Variants in ELMO1 observed in about 807,000 individuals in gnomAD.
The protein encoded by ELMO1 is engulfment and cell motility protein 1.
ELMO1 carries 26 observed loss-of-function variants against 98.9 expected under a neutral mutation model. The observed-to-expected ratio is 0.26, with a 90% CI of 0.19 to 0.36. ELMO1 has a LOEUF of 0.36. Among genes scored for constraint, ELMO1 ranks in the 10% least tolerant of loss-of-function variants. The pLI is 1.00. For synonymous variants in ELMO1, 346 were observed against 346.0 expected (o/e 1.00, Z 0.00); for missense variants, 627 against 935.2 (o/e 0.67, Z 4.30).
In ELMO1 at chr7:37,014,981, C is replaced by T. The variant is rs576745099; in HGVS notation, c.1301-1546G>A. ...TCATGGAAACACACTCAAGGATACA[C>T]GGCTACCAAGCTATTACACACCAAC... On this transcript the variant is annotated intron_variant, in intron 15 of 21. Coordinates refer to ENST00000310758, the MANE Select transcript of ELMO1 (RefSeq NM_014800.11). Among the ~76,000 whole-genome samples the T allele has an allele frequency of 5.3e-5, 8 of 152,214 alleles. No homozygotes were observed. The South Asian group carries it at 8.3e-4, about 16-fold the overall frequency.
intron 16 of ELMO1, among the ~76,000 whole-genome samples, chr7:36,928,232 G>A (rs912158558): frequency 1.3e-5 from 2 of 152,214 alleles, no homozygotes; most frequent in African/African-American, 4.8e-5. Context: ...AAAGCTGGCT[G>A]TCTCCTGCCA....
intron 1 of ELMO1, among the ~76,000 whole-genome samples, chr7:37,445,801 G>A (rs1805589589): frequency 6.6e-6 from 1 of 152,102 alleles, no homozygotes. Flanking sequence ...CCATATTGTA[G>A]GAGAGCAGAA....
At chr7:37,440,142 C>A (rs958412925) in intron 1 of ELMO1, among the ~76,000 whole-genome samples, 3 of 152,076 alleles carry the variant, frequency 2.0e-5, no homozygotes, top group Non-Finnish European at 4.4e-5. Flanking sequence ...AGGCACAAGT[C>A]CACTATAAAA....
chr7:37,337,554 A>C (rs977945189), intron 2 of ELMO1, among the ~76,000 whole-genome samples: 7 of 151,230 alleles, frequency 4.6e-5, no homozygotes, highest in Non-Finnish European at 7.4e-5. Flanking sequence ...ACCTATGTGG[A>C]GCATTGGGGG....
At position 37,448,678 on chromosome 7, in the gene ELMO1, CTTGG is replaced by C. The variant is rs1805769136; in HGVS notation, c.-81_-78del. The C allele has an allele frequency of 1.3e-5, 2 of 152,310 alleles. No individual in the cohort carries two copies. The highest frequency in any genetic ancestry group is 2.9e-5 in the Non-Finnish European group (2 of 68,122). 9.4% of individuals were successfully genotyped at this position (152,310 alleles called of 1,614,324 possible). ...CAGCCCAGGAAACTTTACGAACCTG[CTTGG>C]GGTCGCAGGACAGCAGCGGCAAGGG... On this transcript the variant is annotated 5_prime_UTR_variant, in exon 1 of 22. An upstream open reading frame in the 5' UTR loses its in-frame stop. Transcript: ENST00000310758.
chr7:37,227,102 C>T (rs1291074345), intron 8 of ELMO1, among the ~76,000 whole-genome samples: 1 of 152,208 alleles, frequency 6.6e-6, no homozygotes, highest in Non-Finnish European at 1.5e-5. Context: ...TTCTAAGAAT[C>T]CATAATCACT....
intron 16 of ELMO1, among the ~76,000 whole-genome samples, chr7:36,958,753 A>G (rs912807716): frequency 6.6e-6 from 1 of 151,642 alleles, no homozygotes; most frequent in Non-Finnish European, 1.5e-5. Flanking sequence ...TCACCTCCTC[A>G]GTCTCCCTTG....
rs1228998325 is a variant in ELMO1 at position 36,854,571 on chromosome 7, T to C, written c.*980A>G. Reference sequence around the variant, plus strand: ...AAAAAAAAAACTAACCCAAAACTCTTGCAAATTGTAAATACCAGTAATAAT... The same window carrying C: ...AAAAAAAAAACTAACCCAAAACTCTCGCAAATTGTAAATACCAGTAATAAT... On this transcript the variant is annotated 3_prime_UTR_variant, in exon 22 of 22. Transcript: ENST00000310758. 1.3e-5 allele frequency: 2 copies of C among 151,294 alleles called. No homozygotes were observed. The highest frequency in any genetic ancestry group is 2.1e-4 in the South Asian group (1 of 4,772). 9.4% of individuals were successfully genotyped at this position (151,294 alleles called of 1,614,324 possible). A position where few individuals can be genotyped will look rare whatever the true frequency, so the allele number is the denominator to read the frequency against.
intron 4 of ELMO1, among the ~76,000 whole-genome samples, chr7:37,305,876 T>C (rs1798589319): frequency 6.6e-6 from 1 of 152,122 alleles, no homozygotes; most frequent in South Asian, 2.1e-4. Flanking sequence ...AAGACAACGA[T>C]AAAGCGATGT....
chr7:36,936,639 G>A (rs1486088520), intron 16 of ELMO1, among the ~76,000 whole-genome samples: 1 of 151,960 alleles, frequency 6.6e-6, no homozygotes, highest in African/African-American at 2.4e-5. Context: ...TGTATTTTTT[G>A]TAGAGATGGG....
chr7:37,336,387 A>G (rs756082878), intron 2 of ELMO1, among the ~76,000 whole-genome samples: 3 of 152,236 alleles, frequency 2.0e-5, no homozygotes, highest in Non-Finnish European at 4.4e-5. Context: ...GAGGGGAACC[A>G]TATATCCACC....
rs369405717 is a variant in ELMO1 at position 36,998,292 on chromosome 7, T to C, written c.1437+15007A>G. On this transcript the variant is annotated intron_variant, in intron 16 of 21. Transcript: ENST00000310758. ...TCAACGACTCCTCTCAATTCCCACT[T>C]GCCTCTTAGAAATCATGTCTTTTGT... is the stretch of plus-strand genomic sequence containing the variant. Among the ~76,000 whole-genome samples, 10 of 152,196 alleles carry C rather than the reference T, an allele frequency of 6.6e-5. No homozygotes were observed. The East Asian group carries it at 1.9e-3, about 29-fold the overall frequency.
chr7:37,399,433 C>T (rs538141143), intron 1 of ELMO1, among the ~76,000 whole-genome samples: 84 of 152,282 alleles, frequency 5.5e-4, no homozygotes, highest in African/African-American at 2.0e-3. Context: ...TCTCAGGAAG[C>T]CCTGGGCATA....
intron 16 of ELMO1, among the ~76,000 whole-genome samples, chr7:36,955,033 C>T (rs1012930659): frequency 2.0e-4 from 31 of 152,180 alleles, no homozygotes; most frequent in African/African-American, 7.5e-4. Context: ...TCAGGACTAT[C>T]AGCTCCCATT....
intron 16 of ELMO1, among the ~76,000 whole-genome samples, chr7:36,897,336 G>GTGTGTTTGTGTGTGTGTGTGTA (rs1554351189): frequency 1.3e-5 from 2 of 148,212 alleles, no homozygotes; most frequent in Non-Finnish European, 3.0e-5. Flanking sequence ...GTGTGTGTGT[G>GTGTGTTTGTGTGTGTGTGTGTA]TGTGTGTGTG....
At position 37,174,294 on chromosome 7, in the gene ELMO1, C is replaced by G. The variant is rs141505586; in HGVS notation, c.1086+37092G>C. ...GCCAAGAAAAGGACGAGATTCACTG[C>G]AACACTCATTCACGGAGGCAAACCT... On this transcript the variant is annotated intron_variant, in intron 13 of 21. Transcript: ENST00000310758. 1.2e-3 allele frequency among the ~76,000 whole-genome samples: 183 copies of G among 152,288 alleles called. 1 individual carries two copies. Among genetic ancestry groups the G allele is most frequent in the Middle Eastern group, 6.8e-3 (2 of 294 alleles).
At chr7:36,911,078 G>C (rs943068585) in intron 16 of ELMO1, among the ~76,000 whole-genome samples, 2 of 152,170 alleles carry the variant, frequency 1.3e-5, no homozygotes, top group African/African-American at 4.8e-5. Flanking sequence ...AGAGAGAAAG[G>C]TGTTCTCTGC....
chr7:37,331,520 C>G (rs1800122115), intron 2 of ELMO1, among the ~76,000 whole-genome samples: 1 of 151,816 alleles, frequency 6.6e-6, no homozygotes, highest in African/African-American at 2.4e-5. Context: ...CTAATTGGCT[C>G]TTTCTCACAT....
intron 13 of ELMO1, among the ~76,000 whole-genome samples, chr7:37,210,412 A>T (rs1166752807): frequency 6.6e-6 from 1 of 152,010 alleles, no homozygotes; most frequent in Admixed American, 6.6e-5. Context: ...CATGAAAGAC[A>T]AGCCTTCTCA....
Sources: gnomAD v4.1 joint callset for allele counts (sites outside exome capture counted in the v4.1 genomes callset) on GRCh38, gnomAD v4.1.1 for gene constraint, MANE v1.5 for transcripts, NCBI Gene and HGNC (gene_info 2026-07-23, HGNC 2026-07-21) for gene names.